OPRL1: variants seen among roughly 807,000 people sequenced by gnomAD.
OPRL1 encodes the protein nociceptin receptor.
Under a neutral mutation model 15.5 loss-of-function variants are expected in OPRL1, and 5 were observed. The observed-to-expected ratio is 0.32, with a 90% CI of 0.17 to 0.68. OPRL1 has a LOEUF of 0.68. Ranked by LOEUF, OPRL1 falls within the 30% of genes least tolerant of loss-of-function variation. OPRL1 has a pLI of 0.72. For missense variants in OPRL1, 406 were observed against 515.3 expected (o/e 0.79, Z 2.05); for synonymous variants, 223 against 230.2 (o/e 0.97, Z 0.28).
intron 1 of OPRL1, among the ~76,000 whole-genome samples, chr20:64,081,784 C>T (rs1455181441): frequency 3.3e-5 from 5 of 152,182 alleles, no homozygotes; most frequent in African/African-American, 1.2e-4. Flanking sequence ...GCACCCCCTG[C>T]GCCTTTTCAT....
chr20:64,083,937 G>T lies in OPRL1; in HGVS notation c.-185+3585G>T. 1 of 1,456,966 alleles carries T rather than the reference G, an allele frequency of 6.9e-7. No homozygotes were observed. The highest frequency in any genetic ancestry group is 9.0e-7 in the Non-Finnish European group (1 of 1,109,860). 90.3% of individuals were successfully genotyped at this position (1,456,966 alleles called of 1,614,324 possible). ...GGCAGCTCGAGCGACTGCGTCCACG[G>T]GCGCGGGTCGGGCATGCGGTACCCC... On this transcript the variant is annotated intron_variant, in intron 1 of 4. Coordinates refer to ENST00000336866, the MANE Select transcript of OPRL1 (RefSeq NM_182647.4). The surrounding 1 kb of genome is among the most constrained non-coding windows in gnomAD (Gnocchi z 4.9).
chr20:64,096,949 A>G (rs531383472), intron 3 of OPRL1, among the ~76,000 whole-genome samples: 4 of 152,136 alleles, frequency 2.6e-5, no homozygotes, highest in African/African-American at 9.7e-5. Flanking sequence ...CACCATCATT[A>G]CCATCATCAT....
In OPRL1 at chr20:64,099,031, T is replaced by C; in HGVS notation, c.*232T>C. Reference sequence around the variant, plus strand: ...GCCACCTCCATGGCCCCAGACAGACTAAAGCTGCCCTCCTGGTGCAGGGCC... The same window carrying C: ...GCCACCTCCATGGCCCCAGACAGACCAAAGCTGCCCTCCTGGTGCAGGGCC... On this transcript the variant is annotated 3_prime_UTR_variant, in exon 5 of 5. Coordinates refer to ENST00000336866, the MANE Select transcript of OPRL1 (RefSeq NM_182647.4). The C allele has an allele frequency of 1.7e-6, 1 of 576,176 alleles. No homozygotes were observed. The highest frequency in any genetic ancestry group is 2.9e-6 in the Non-Finnish European group (1 of 340,192). The allele number at this position is 576,176 out of a possible 1,614,324, so 35.7% of individuals were successfully genotyped here.
rs374016312 is a variant in OPRL1, at chr20:64,092,909, C to T, written c.189C>T (p.Val63=). 1.5e-4 allele frequency: 242 copies of T among 1,612,714 alleles called. No individual in the cohort carries two copies. The highest frequency in any genetic ancestry group is 2.2e-4 in the East Asian group (10 of 44,872). The part of the protein sequence containing the change: ...TIVGLYLAVC[V]GGLLGNCLVM... ...TGGGGCTCTACCTGGCCGTGTGTGT[C>T]GGAGGGCTCCTGGGGAACTGCCTTG... Residue 63 remains valine (V), a synonymous_variant, in exon 3 of 5, where the codon GTC becomes GTT. Coordinates refer to ENST00000336866, the MANE Select transcript of OPRL1 (RefSeq NM_182647.4).
chr20:64,099,175 G>A lies in OPRL1; in HGVS notation c.*376G>A. On this transcript the variant is annotated 3_prime_UTR_variant, in exon 5 of 5. Transcript: ENST00000336866. ...CTCTTGGCCTCTCTGCTGCTGCGTT[G>A]GCAGAACCCTGGGTGGGCAGGCACC... The A allele has an allele frequency of 3.5e-6, 1 of 287,606 alleles. No individual in the cohort carries two copies. Among genetic ancestry groups the A allele is most frequent in the Non-Finnish European group, 6.5e-6 (1 of 153,108 alleles). 17.8% of individuals were successfully genotyped at this position (287,606 alleles called of 1,614,324 possible).
rs369946248 is a variant in OPRL1 at position 64,097,068 on chromosome 20, T to TATCACCACCACC, written c.234-733_234-732insTCACCACCACCA. ...TCATCACCATCATCATCATCACCAC[T>TATCACCACCACC]ACCATCACGCTCACAGTCATCACCA... is the stretch of plus-strand genomic sequence containing the variant. On this transcript the variant is annotated intron_variant, in intron 3 of 4. Coordinates refer to ENST00000336866, the MANE Select transcript of OPRL1 (RefSeq NM_182647.4). This position sits in a 1 kb window ranked among gnomAD's most constrained non-coding sequence, Gnocchi z 4.2. Among the ~76,000 whole-genome samples the TATCACCACCACC allele has an allele frequency of 3.1e-3, 1 of 322 alleles. No individual in the cohort carries two copies. Among genetic ancestry groups the TATCACCACCACC allele is most frequent in the Non-Finnish European group, 6.8e-3 (1 of 146 alleles). The allele number at this position is 322 out of a possible 152,430, so 0.2% of individuals were successfully genotyped here.
rs774642693 is a variant in OPRL1 at position 64,092,741 on chromosome 20, G to A, written c.21G>A (p.Ala7=). 11 of 1,612,538 alleles carry A rather than the reference G, an allele frequency of 6.8e-6. No individual in the cohort carries two copies. Among genetic ancestry groups the A allele is most frequent in the Non-Finnish European group, 9.3e-6 (11 of 1,179,864 alleles). The change falls in exon 3 of 5, where the codon GCG becomes GCA. Residue 7 remains alanine, a synonymous_variant. Coordinates refer to ENST00000336866, the MANE Select transcript of OPRL1 (RefSeq NM_182647.4). Reference sequence around the variant, plus strand: ...GTGGCATGGAGCCCCTCTTCCCCGCGCCGTTCTGGGAGGTTATCTACGGCA... The same window carrying A: ...GTGGCATGGAGCCCCTCTTCCCCGCACCGTTCTGGGAGGTTATCTACGGCA... The part of the protein sequence containing the change: MEPLFP[A]PFWEVIYGSH...
intron 1 of OPRL1, chr20:64,085,008 C>T (rs2060028682): frequency 6.6e-6 from 1 of 152,236 alleles, no homozygotes; most frequent in Non-Finnish European, 1.5e-5. Flanking sequence ...GGAGTCCTGC[C>T]CCTCCCTCGA....
At chr20:64,086,705 A>G (rs1333042520) in intron 1 of OPRL1, 7 of 184,114 alleles carry the variant, frequency 3.8e-5, no homozygotes, top group African/African-American at 9.6e-5. Context: ...TCACAAGGAC[A>G]AAGTAATTTA....
chr20:64,083,968 C>A lies in OPRL1; in HGVS notation c.-185+3616C>A. 1 of 1,467,362 alleles carries A rather than the reference C, an allele frequency of 6.8e-7. No homozygotes were observed. The highest frequency in any genetic ancestry group is 2.4e-5 in the Admixed American group (1 of 41,110). 90.9% of individuals were successfully genotyped at this position (1,467,362 alleles called of 1,614,324 possible). A position where few individuals can be genotyped will look rare whatever the true frequency, so the allele number is the denominator to read the frequency against. ...GGTCGGGCATGCGGTACCCCGGTTC[C>A]ACCGACCCGCACGGGAAGGTGGAGG... On this transcript the variant is annotated intron_variant, in intron 1 of 4. Coordinates refer to ENST00000336866, the MANE Select transcript of OPRL1 (RefSeq NM_182647.4). This position sits in a 1 kb window ranked among gnomAD's most constrained non-coding sequence, Gnocchi z 4.9.
At chr20:64,082,893 C>T (rs1248707775) in intron 1 of OPRL1, among the ~76,000 whole-genome samples, 5 of 151,826 alleles carry the variant, frequency 3.3e-5, no homozygotes, top group Non-Finnish European at 4.4e-5. Flanking sequence ...GAAAGGAAGG[C>T]CAGAGGGTGG....
chr20:64,098,146 T>C lies in OPRL1; in HGVS notation c.578T>C (p.Val193Ala). The stretch of plus-strand genomic sequence containing the variant: ...GTTGCCATCATGGGCTCGGCACAGG[T>C]CGAGGATGAAGGTCAGTGGGGTGTC... ...VPVAIMGSAQ[V>A]EDEEIECLVE... The change falls in exon 4 of 5, where the codon GTC becomes GCC. Residue 193 changes from valine to alanine, a missense_variant. Coordinates refer to ENST00000336866, the MANE Select transcript of OPRL1 (RefSeq NM_182647.4). 6.2e-7 allele frequency: 1 copy of C among 1,612,892 alleles called. No homozygotes were observed. The highest frequency in any genetic ancestry group is 1.7e-5 in the Admixed American group (1 of 60,018).
rs777074407 is a variant in OPRL1 at position 64,092,901 on chromosome 20, G to T, written c.181G>T (p.Val61Leu). Residue 61 changes from valine (V) to leucine (L), a missense_variant, in exon 3 of 5, where the codon GTG (valine) becomes TTG (leucine). Transcript: ENST00000336866. ...CACCATCGTGGGGCTCTACCTGGCC[G>T]TGTGTGTCGGAGGGCTCCTGGGGAA... ...KVTIVGLYLAVCVGGLLGNCL... is the reference protein window; with the variant it reads ...KVTIVGLYLALCVGGLLGNCL... 3 of 1,612,716 alleles carry T rather than the reference G, an allele frequency of 1.9e-6. No homozygotes were observed. Among genetic ancestry groups the T allele is most frequent in the Admixed American group, 3.3e-5 (2 of 60,026 alleles).
At chr20:64,088,902 G>GTCTTTGCAGGGTGGCCAGGA (rs1569272112) in intron 1 of OPRL1, among the ~76,000 whole-genome samples, 1 of 7,004 alleles carries the variant, frequency 1.4e-4, no homozygotes, top group Admixed American at 1.3e-3. Flanking sequence ...AGTGGCCAGG[G>GTCTTTGCAGGGTGGCCAGGA]TCTGTGCAGA....
intron 1 of OPRL1, among the ~76,000 whole-genome samples, chr20:64,080,847 A>T (rs914093692): frequency 2.6e-5 from 4 of 152,128 alleles, no homozygotes; most frequent in Non-Finnish European, 5.9e-5. Flanking sequence ...TCTGTTCATA[A>T]AATGCCTTCC....
rs1383888995 is a variant in OPRL1 at position 64,083,591 on chromosome 20, G to C, written c.-185+3239G>C. ...CCGGGGCTTGTCTGCACCTCTTGGC[G>C]GTCCAGGGGGTCCGGGATCCGCGCG... On this transcript the variant is annotated intron_variant, in intron 1 of 4. Coordinates refer to ENST00000336866, the MANE Select transcript of OPRL1 (RefSeq NM_182647.4). This position sits in a 1 kb window ranked among gnomAD's most constrained non-coding sequence, Gnocchi z 4.9. 2 of 1,491,758 alleles carry C rather than the reference G, an allele frequency of 1.3e-6. No individual in the cohort carries two copies. Among genetic ancestry groups the C allele is most frequent in the East Asian group, 2.6e-5 (1 of 38,382 alleles). The allele number at this position is 1,491,758 out of a possible 1,614,324, so 92.4% of individuals were successfully genotyped here. A position where few individuals can be genotyped will look rare whatever the true frequency, so the allele number is the denominator to read the frequency against.
chr20:64,096,712 ACC>A (rs1491147083), intron 3 of OPRL1, among the ~76,000 whole-genome samples: 1 of 151,860 alleles, frequency 6.6e-6, no homozygotes, highest in Non-Finnish European at 1.5e-5. Context: ...CACAATCATC[ACC>A]ATCACCACCA....
Position 64,092,729 on chromosome 20 carries a change from C to A in OPRL1, c.9C>A (p.Pro3=). The A allele has an allele frequency of 6.2e-7, 1 of 1,612,152 alleles. No individual in the cohort carries two copies. Among genetic ancestry groups the A allele is most frequent in the African/African-American group, 1.3e-5 (1 of 75,030 alleles). The change falls in exon 3 of 5, where the codon CCC becomes CCA. Residue 3 remains proline, a synonymous_variant. Coordinates refer to ENST00000336866, the MANE Select transcript of OPRL1 (RefSeq NM_182647.4). The part of the protein sequence containing the change: ME[P]LFPAPFWEVI... ...ATTTGCAGGGCAGTGGCATGGAGCC[C>A]CTCTTCCCCGCGCCGTTCTGGGAGG... is the stretch of plus-strand genomic sequence containing the variant.
Position 64,083,242 on chromosome 20 carries a change from G to A in OPRL1, c.-185+2890G>A. On this transcript the variant is annotated intron_variant, in intron 1 of 4. Transcript: ENST00000336866. The surrounding 1 kb of genome is among the most constrained non-coding windows in gnomAD (Gnocchi z 4.9). ...CTGTTACTTTCACACCCACCCACTTGCGTCTCCCCACTTTTTTGGGAGAGG... is the reference window on the plus strand; with the variant it reads ...CTGTTACTTTCACACCCACCCACTTACGTCTCCCCACTTTTTTGGGAGAGG... 1 of 732,640 alleles carries A rather than the reference G, an allele frequency of 1.4e-6. No homozygotes were observed. The highest frequency in any genetic ancestry group is 2.2e-6 in the Non-Finnish European group (1 of 454,642). The allele number at this position is 732,640 out of a possible 1,614,324, so 45.4% of individuals were successfully genotyped here.
Sources: gnomAD v4.1 joint callset for allele counts (sites outside exome capture counted in the v4.1 genomes callset) on GRCh38, gnomAD v4.1.1 for gene constraint, Gnocchi (gnomAD v3.1) non-coding constraint, MANE v1.5 for transcripts, NCBI Gene and HGNC (gene_info 2026-07-23, HGNC 2026-07-21) for gene names.